Variants in CADPS observed in about 807,000 individuals in gnomAD.
CADPS encodes the protein calcium-dependent secretion activator 1.
In CADPS, 57 loss-of-function variants were observed where a neutral mutation model predicts 167.3. The observed-to-expected ratio is 0.34, with a 90% CI of 0.28 to 0.42. The LOEUF is 0.42. Among genes scored for constraint, CADPS ranks in the 20% least tolerant of loss-of-function variants. The pLI is 1.00. For synonymous variants in CADPS, 676 were observed against 635.3 expected, an observed-to-expected ratio of 1.06 and a Z score of -0.96; for missense variants, 1,414 against 1,738.1, an observed-to-expected ratio of 0.81 and a Z score of 3.32.
chr3:62,567,127 T>C (rs1489891351), intron 9 of CADPS, among the ~76,000 whole-genome samples: 1 of 152,190 alleles, frequency 6.6e-6, no homozygotes, highest in African/African-American at 2.4e-5. Flanking sequence ...TGTACAGACA[T>C]GGCTTTACTG....
chr3:62,553,530 A>C (rs1191037059), intron 10 of CADPS, among the ~76,000 whole-genome samples: 1 of 152,220 alleles, frequency 6.6e-6, no homozygotes, highest in African/African-American at 2.4e-5. Context: ...ACTGCACCAA[A>C]GCATGAATCC....
chr3:62,779,098 G>C (rs1401072600), intron 1 of CADPS: 2 of 169,990 alleles, frequency 1.2e-5, no homozygotes, highest in Non-Finnish European at 2.8e-5. Flanking sequence ...ATGTTGGCCA[G>C]CCTCGTCTCA....
At chr3:62,422,222 A>AACC (rs2051575032) in intron 28 of CADPS, among the ~76,000 whole-genome samples, 1 of 152,306 alleles carries the variant, frequency 6.6e-6, no homozygotes, top group African/African-American at 2.4e-5. Flanking sequence ...GGTGTTCAGA[A>AACC]ACCACAGGCA....
rs2060990726 is a variant in CADPS at position 62,474,258 on chromosome 3, G to A, written c.3392C>T (p.Pro1131Leu). 6.2e-7 allele frequency: 1 copy of A among 1,608,822 alleles called. No individual in the cohort carries two copies. Among genetic ancestry groups the A allele is most frequent in the Admixed American group, 1.7e-5 (1 of 58,954 alleles). Residue 1131 changes from proline to leucine, a missense_variant, in exon 24 of 30, where the codon CCA (proline) becomes CTA (leucine). Physicochemically the swap from Pro to Leu is moderately conservative, Grantham distance 98. This residue lies in a region of CADPS where 19 missense variants were observed against 49.4 expected (regional missense o/e 0.38). Transcript: ENST00000383710. ...ATTAAACATGGTGCATATTGACTGT[G>A]GGACTCGAAAATCTGTTGATCGACT... ...KTSRSTDFRV[P>L]QSICTMFNVM...
At chr3:62,862,563 T>C (rs1005782475) in intron 1 of CADPS, among the ~76,000 whole-genome samples, 1 of 152,200 alleles carries the variant, frequency 6.6e-6, no homozygotes, top group African/African-American at 2.4e-5. Context: ...TGAGAAATCA[T>C]AGTCATTTAT....
Position 62,651,038 on chromosome 3 carries a change from T to C in CADPS, c.1012A>G (p.Met338Val), listed in dbSNP as rs770947824. The C allele has an allele frequency of 2.1e-5, 34 of 1,613,944 alleles. No homozygotes were observed. Among genetic ancestry groups the C allele is most frequent in the Middle Eastern group, 3.3e-4 (2 of 6,082 alleles). ...PKFVSKEMENMYIEELKSSVN... is the reference protein window; with the variant it reads ...PKFVSKEMENVYIEELKSSVN... ...GATGACTTCAGCTCCTCAATGTACA[T>C]GTTTTCCATTTCTTTGGATACAAAC... Residue 338 changes from methionine (M) to valine (V), a missense_variant, in exon 5 of 30, where the codon ATG (methionine) becomes GTG (valine). Physicochemically the swap from Met to Val is conservative, Grantham distance 21 (BLOSUM62 1). Transcript: ENST00000383710.
At chr3:62,722,359 C>T (rs2151996589) in intron 3 of CADPS, among the ~76,000 whole-genome samples, 1 of 152,320 alleles carries the variant, frequency 6.6e-6, no homozygotes, top group East Asian at 1.9e-4. Context: ...GGAGCCAGAA[C>T]CTTTATGGAG....
chr3:62,786,868 A>T (rs149741768), intron 1 of CADPS, among the ~76,000 whole-genome samples: 3,387 of 152,330 alleles, frequency 0.022, 57 homozygotes, highest in South Asian at 0.05. Context: ...GCAGATTTTT[A>T]AAAAATCCTG....
intron 1 of CADPS, among the ~76,000 whole-genome samples, chr3:62,789,586 T>A (rs575432738): frequency 6.3e-4 from 96 of 152,270 alleles, no homozygotes; most frequent in African/African-American, 2.3e-3. Context: ...GTTTTACCAA[T>A]AGGCTGGCAA....
intron 5 of CADPS, among the ~76,000 whole-genome samples, chr3:62,649,577 T>TTTTTG (rs2069528016): frequency 1.2e-5 from 1 of 84,982 alleles, no homozygotes; most frequent in Non-Finnish European, 2.3e-5. Context: ...TTTTTTTTTT[T>TTTTTG]AAAGACAGGG....
intron 3 of CADPS, among the ~76,000 whole-genome samples, chr3:62,678,081 C>T (rs1206952724): frequency 6.6e-6 from 1 of 152,086 alleles, no homozygotes; most frequent in Non-Finnish European, 1.5e-5. Context: ...GAAGCATTCA[C>T]TATCTTCTAA....
rs187951829 is a variant in CADPS at position 62,856,153 on chromosome 3, G to A, written c.441+18436C>T. Among the ~76,000 whole-genome samples, 164 of 152,276 alleles carry A rather than the reference G, an allele frequency of 1.1e-3. 3 individuals are homozygous for A. Among genetic ancestry groups the A allele is most frequent in the Admixed American group, 9.4e-3 (143 of 15,292 alleles). ...CTGATAGGGACAGAAGTGCTCAGGTGTATTAGAGAGTAGTCCATTAGCCCT... is the reference window on the plus strand; with the variant it reads ...CTGATAGGGACAGAAGTGCTCAGGTATATTAGAGAGTAGTCCATTAGCCCT... On this transcript the variant is annotated intron_variant, in intron 1 of 29. Transcript: ENST00000383710.
intron 3 of CADPS, among the ~76,000 whole-genome samples, chr3:62,671,682 T>C (rs11706594): frequency 0.15 from 23,470 of 152,092 alleles, 1,801 homozygotes; most frequent in Middle Eastern, 0.21. Context: ...CAGAGAGAGA[T>C]AAAAGGCAAT....
intron 18 of CADPS, among the ~76,000 whole-genome samples, chr3:62,494,512 C>G (rs1419769560): frequency 1.3e-5 from 2 of 152,086 alleles, no homozygotes; most frequent in Admixed American, 6.6e-5. Context: ...CAGGATGAGT[C>G]CAAGAAAAGT....
intron 9 of CADPS, among the ~76,000 whole-genome samples, chr3:62,567,564 C>CCTT (rs2080464767): frequency 3.0e-5 from 1 of 33,818 alleles, no homozygotes; most frequent in African/African-American, 1.1e-4. Context: ...CTAAGCACTG[C>CCTT]TTTTTTTTTT....
chr3:62,526,434 T>A (rs2072246970), intron 13 of CADPS, among the ~76,000 whole-genome samples: 2 of 152,156 alleles, frequency 1.3e-5, no homozygotes, highest in African/African-American at 4.8e-5. Flanking sequence ...TAAATAATAA[T>A]GTAAATGAGA....
At chr3:62,817,710 T>C (rs1481024467) in intron 1 of CADPS, among the ~76,000 whole-genome samples, 1 of 152,204 alleles carries the variant, frequency 6.6e-6, no homozygotes, top group Non-Finnish European at 1.5e-5. Flanking sequence ...TGTAAATCAG[T>C]ATGAAAATTC....
chr3:62,464,945 G>A (rs917050005), intron 26 of CADPS, among the ~76,000 whole-genome samples: 10 of 152,132 alleles, frequency 6.6e-5, no homozygotes, highest in Non-Finnish European at 1.2e-4. Context: ...GAACATACTT[G>A]ACACAGTGAG....
chr3:62,543,773 C>T (rs985603075), intron 11 of CADPS, among the ~76,000 whole-genome samples: 7 of 152,090 alleles, frequency 4.6e-5, no homozygotes, highest in Admixed American at 4.6e-4. Context: ...GTTGCCTGCT[C>T]TCTTGACCAA....
Sources: allele counts gnomAD v4.1 joint callset (sites outside exome capture counted in the v4.1 genomes callset), GRCh38; gene constraint gnomAD v4.1.1; regional missense constraint gnomAD v4.1.1; transcripts MANE v1.5; gene names NCBI Gene and HGNC (gene_info 2026-07-23, HGNC 2026-07-21).